The following SCAF4 variants were observed in gnomAD, a reference collection of about 807,000 sequenced individuals.
SCAF4 encodes SR-related CTD associated factor 4.
A neutral mutation model predicts 129.8 loss-of-function variants in SCAF4; 25 were observed. The ratio of observed to expected loss-of-function variants is 0.19; its 90% confidence interval spans 0.14 to 0.27. The LOEUF (loss-of-function observed/expected upper bound fraction) is 0.27. Ranked by LOEUF, SCAF4 falls within the 10% of genes least tolerant of loss-of-function variation. The pLI is 1.00. For synonymous variants in SCAF4, 551 were observed against 497.7 expected (o/e 1.11, Z -1.43); for missense variants, 1,246 against 1,457.1 (o/e 0.86, Z 2.36).
At chr21:31,691,779 T>C (rs757065382) in intron 14 of SCAF4, 38 bp downstream of exon 14, 3 of 1,174,358 alleles carry the variant, frequency 2.6e-6, no homozygotes, top group Middle Eastern at 2.8e-4. Context: ...CTTCTGCCTA[T>C]TTAAAAAAAA....
In SCAF4 at chr21:31,694,190, T is replaced by G. The variant is rs1381798353; in HGVS notation, c.1322+14A>C. 1 of 1,539,456 alleles carries G rather than the reference T, an allele frequency of 6.5e-7. No homozygotes were observed. The highest frequency in any genetic ancestry group is 9.0e-7 in the Non-Finnish European group (1 of 1,116,512). On this transcript the variant is annotated intron_variant, in intron 11 of 19. Transcript: ENST00000286835. ...AGATATACAGGGTTGGAAAAAACAT[T>G]TTCTATAAATTACCTGGATGCTGAC...
At position 31,685,622 on chromosome 21, in the gene SCAF4, G is replaced by C. The variant is rs771100211; in HGVS notation, c.2155C>G (p.Pro719Ala). The C allele has an allele frequency of 6.2e-7, 1 of 1,614,036 alleles. No homozygotes were observed. The highest frequency in any genetic ancestry group is 8.5e-7 in the Non-Finnish European group (1 of 1,180,036). The change falls in exon 17 of 20, where the codon CCT becomes GCT. Residue 719 changes from proline to alanine, a missense_variant. By Grantham distance (27) the Pro-to-Ala change is conservative. This residue lies in a region of SCAF4 where 468 missense variants were observed against 605.5 expected (regional missense o/e 0.77). Transcript: ENST00000286835. ...PGFGPGVPPPPPPPPFLRPGF... is the reference protein window; with the variant it reads ...PGFGPGVPPPAPPPPFLRPGF... ...GGGCGCAAAAATGGTGGAGGAGGAG[G>C]GGGAGGAGGAACACCAGGACCAAAG...
At chr21:31,714,607 G>C (rs574108125) in intron 1 of SCAF4, among the ~76,000 whole-genome samples, 1 of 152,192 alleles carries the variant, frequency 6.6e-6, no homozygotes, top group Admixed American at 6.5e-5. Flanking sequence ...AGATAAAGAA[G>C]AACGAGGGTA....
intron 13 of SCAF4, 159 bp from the exon 14 acceptor site, chr21:31,692,089 C>G (rs2050273442): frequency 1.7e-6 from 1 of 589,802 alleles, no homozygotes; most frequent in Non-Finnish European, 3.0e-6. Flanking sequence ...TTGGTCTCAA[C>G]TGAGTCCTCC....
intron 13 of SCAF4, 86 bp downstream of exon 13, chr21:31,692,263 G>A: frequency 2.0e-6 from 2 of 1,000,882 alleles, no homozygotes; most frequent in Non-Finnish European, 3.1e-6. Context: ...TGGGCAAATT[G>A]TAACTTTGGT....
chr21:31,731,633 C>T (rs1378027639), intron 1 of SCAF4, 30 bp downstream of exon 1: 1 of 1,586,662 alleles, frequency 6.3e-7, no homozygotes, highest in Non-Finnish European at 8.5e-7. Flanking sequence ...GCAGCAGGCC[C>T]GGCACCCCCC....
At position 31,731,735 on chromosome 21, in the gene SCAF4, T is replaced by G; in HGVS notation, c.-43A>C. 1.9e-6 allele frequency: 3 copies of G among 1,558,934 alleles called. No individual in the cohort carries two copies. Among genetic ancestry groups the G allele is most frequent in the Non-Finnish European group, 2.6e-6 (3 of 1,160,220 alleles). On this transcript the variant is annotated 5_prime_UTR_variant, in exon 1 of 20. An upstream start codon of the reference 5' UTR is lost. Coordinates refer to ENST00000286835, the MANE Select transcript of SCAF4 (RefSeq NM_020706.2). The stretch of plus-strand genomic sequence containing the variant: ...GGCTGCTCCGGGCCCGCCGGTCACA[T>G]AGACCTCGCGCCGCGGCGGAGCGGG...
chr21:31,695,393 A>T (rs1042962221), intron 9 of SCAF4, among the ~76,000 whole-genome samples: 1 of 152,194 alleles, frequency 6.6e-6, no homozygotes, highest in East Asian at 1.9e-4. Flanking sequence ...TTTAAAAAAA[A>T]ATAACCAAGG....
intron 19 of SCAF4, among the ~76,000 whole-genome samples, chr21:31,680,411 C>T (rs1453120294): frequency 1.3e-5 from 2 of 152,042 alleles, no homozygotes; most frequent in Non-Finnish European, 2.9e-5. Flanking sequence ...TACTGTAATT[C>T]GTATTTAAGA....
At chr21:31,683,005 GAACT>G (rs1250187159) in intron 19 of SCAF4, among the ~76,000 whole-genome samples, 5 of 152,190 alleles carry the variant, frequency 3.3e-5, no homozygotes, top group South Asian at 2.1e-4. Flanking sequence ...TCTCATGACT[GAACT>G]AACATATTGC....
At chr21:31,692,675 G>GT (rs1004322328) in intron 12 of SCAF4, among the ~76,000 whole-genome samples, 1 of 152,126 alleles carries the variant, frequency 6.6e-6, no homozygotes, top group African/African-American at 2.4e-5. Context: ...GAAAAAACTG[G>GT]TTTTTTTGTA....
At chr21:31,712,528 T>C (rs928149802) in intron 1 of SCAF4, among the ~76,000 whole-genome samples, 6 of 66,204 alleles carry the variant, frequency 9.1e-5, no homozygotes, top group Non-Finnish European at 1.4e-4. Context: ...TGATTCTCCC[T>C]TTTTTTTTTT....
intron 1 of SCAF4, among the ~76,000 whole-genome samples, chr21:31,719,189 C>T (rs1236402055): frequency 2.0e-5 from 3 of 152,080 alleles, no homozygotes; most frequent in Middle Eastern, 3.2e-3. Context: ...ACTCAAGAGG[C>T]TGAGCCAGGA....
intron 16 of SCAF4, among the ~76,000 whole-genome samples, chr21:31,686,606 T>A (rs929908712): frequency 2.0e-5 from 3 of 151,974 alleles, no homozygotes; most frequent in African/African-American, 7.3e-5. Flanking sequence ...TTTTTTTTTT[T>A]AAGATAAATT....
rs1191985869 is a variant in SCAF4, at chr21:31,732,034, C to A, written c.-342G>T. ...CCTCACGCACTGGCTCACACTGGCC[C>A]GGCCGGCGAGCGGGCGGGCCTCTCT... On this transcript the variant is annotated 5_prime_UTR_variant, in exon 1 of 20. Coordinates refer to ENST00000286835, the MANE Select transcript of SCAF4 (RefSeq NM_020706.2). The A allele has an allele frequency of 2.3e-6, 1 of 431,962 alleles. No homozygotes were observed. The highest frequency in any genetic ancestry group is 4.0e-6 in the Non-Finnish European group (1 of 248,058). The allele number at this position is 431,962 out of a possible 1,614,324, so 26.8% of individuals were successfully genotyped here. A position where few individuals can be genotyped will look rare whatever the true frequency, so the allele number is the denominator to read the frequency against.
chr21:31,719,876 T>C (rs1338750770), intron 1 of SCAF4, among the ~76,000 whole-genome samples: 2 of 152,226 alleles, frequency 1.3e-5, no homozygotes, highest in African/African-American at 2.4e-5. Flanking sequence ...TTTCCACTTT[T>C]AGAATCAAGG....
At chr21:31,716,751 C>T (rs1377911971) in intron 1 of SCAF4, among the ~76,000 whole-genome samples, 2 of 152,074 alleles carry the variant, frequency 1.3e-5, no homozygotes, top group Admixed American at 6.5e-5. Context: ...GGTATTTCAT[C>T]TTATGCCTTC....
intron 7 of SCAF4, chr21:31,700,757 T>TTC (rs1186952841): frequency 2.6e-6 from 1 of 390,494 alleles, no homozygotes; most frequent in African/African-American, 2.1e-5. Context: ...TTTTTTTTTT[T>TTC]CACTTTTTTA....
chr21:31,715,975 T>C (rs779061525), intron 1 of SCAF4, among the ~76,000 whole-genome samples: 1 of 152,186 alleles, frequency 6.6e-6, no homozygotes, highest in Non-Finnish European at 1.5e-5. Flanking sequence ...TCTTAGTGAC[T>C]AGCAATTTCT....
Sources: gnomAD v4.1 joint callset for allele counts (sites outside exome capture counted in the v4.1 genomes callset) on GRCh38, gnomAD v4.1.1 for gene constraint, gnomAD v4.1.1 regional missense constraint, MANE v1.5 for transcripts, NCBI Gene and HGNC (gene_info 2026-07-23, HGNC 2026-07-21) for gene names.